Variants in FARP1 observed in about 807,000 individuals in gnomAD.
The protein encoded by FARP1 is FERM, ARH/RhoGEF and pleckstrin domain protein 1, also known as FERM, ARHGEF and pleckstrin domain-containing protein 1.
Under a neutral mutation model 128.8 loss-of-function variants are expected in FARP1, and 52 were observed. The ratio of observed to expected loss-of-function variants is 0.40; its 90% CI spans 0.32 to 0.51. The LOEUF (loss-of-function observed/expected upper bound fraction) is 0.51. Ranked by LOEUF, FARP1 falls within the 20% of genes least tolerant of loss-of-function variation. FARP1 has a pLI of 0.45. For missense variants in FARP1, 1,333 were observed against 1,367.9 expected (o/e 0.97, Z 0.40); for synonymous variants, 580 against 551.8 (o/e 1.05, Z -0.72).
At chr13:98,392,198 C>G (rs1447964581) in intron 11 of FARP1, among the ~76,000 whole-genome samples, 1 of 151,690 alleles carries the variant, frequency 6.6e-6, no homozygotes, top group Non-Finnish European at 1.5e-5. Flanking sequence ...TAGAATTGCT[C>G]TGGAGGCCGG....
Position 98,448,670 on chromosome 13 carries a change from T to TAA in FARP1, c.*359_*360dup. The TAA allele has an allele frequency of 5.2e-6, 1 of 191,226 alleles. No individual in the cohort carries two copies. The highest frequency in any genetic ancestry group is 1.1e-5 in the Non-Finnish European group (1 of 93,700). The allele number at this position is 191,226 out of a possible 1,614,324, so 11.8% of individuals were successfully genotyped here. On this transcript the variant is annotated 3_prime_UTR_variant, in exon 27 of 27. Coordinates refer to ENST00000319562, the MANE Select transcript of FARP1 (RefSeq NM_005766.4). The stretch of plus-strand genomic sequence containing the variant: ...AAGACAGGGCAAGTGTTTTTCTTCC[T>TAA]AAAAAAAGTTCTTTCTTTTATTATT...
Position 98,349,678 on chromosome 13 carries a change from A to AGG in FARP1, c.276+5812_276+5813insGG, listed in dbSNP as rs1405033229. On this transcript the variant is annotated intron_variant, in intron 3 of 26. Transcript: ENST00000319562. ...GAGCAAGACCCATCTCAGGGAAAAAAAAAAAAAAAAAAAAAAAAAAAAAAG... is the reference window on the plus strand; with the variant it reads ...GAGCAAGACCCATCTCAGGGAAAAAAGGAAAAAAAAAAAAAAAAAAAAAAAAG... Among the ~76,000 whole-genome samples the AGG allele has an allele frequency of 7.8e-3, 584 of 74,868 alleles. 10 individuals are homozygous for AGG. The highest frequency in any genetic ancestry group is 0.033 in the African/African-American group (558 of 17,140). The allele number at this position is 74,868 out of a possible 152,430, so 49.1% of individuals were successfully genotyped here.
rs113340557 is a variant in FARP1 at position 98,449,619 on chromosome 13, G to GAAAC, written c.*1308_*1311dup. On this transcript the variant is annotated 3_prime_UTR_variant, in exon 27 of 27. Coordinates refer to ENST00000319562, the MANE Select transcript of FARP1 (RefSeq NM_005766.4). ...TGTGGAGCTCTGACTGGTGTAGCTG[G>GAAAC]AAACAAACAGCAACTTGCAAACGGA... 14 of 152,716 alleles carry GAAAC rather than the reference G, an allele frequency of 9.2e-5. No homozygotes were observed. Among genetic ancestry groups the GAAAC allele is most frequent in the East Asian group, 5.8e-4 (3 of 5,188 alleles). The allele number at this position is 152,716 out of a possible 1,614,324, so 9.5% of individuals were successfully genotyped here.
chr13:98,398,026 G>A (rs1266803714), intron 13 of FARP1: 4 of 151,954 alleles, frequency 2.6e-5, no homozygotes, highest in Admixed American at 6.6e-5. Context: ...GGGCCTCACT[G>A]GGCTCATCAC....
At chr13:98,329,102 C>G (rs1344905536) in intron 2 of FARP1, 1 of 152,218 alleles carries the variant, frequency 6.6e-6, no homozygotes, top group African/African-American at 2.4e-5. Flanking sequence ...AAACGCTGCG[C>G]TGCCTATCAC....
intron 17 of FARP1, among the ~76,000 whole-genome samples, chr13:98,426,106 C>T (rs892918476): frequency 5.3e-5 from 8 of 152,208 alleles, no homozygotes; most frequent in African/African-American, 1.9e-4. Flanking sequence ...ATACACAAGA[C>T]ACTCATAGAA....
intron 13 of FARP1, chr13:98,406,314 G>T (rs1890969454): frequency 6.6e-6 from 1 of 152,188 alleles, no homozygotes; most frequent in African/African-American, 2.4e-5. Context: ...TGTTTATCTT[G>T]CAAAGAGAGA....
intron 3 of FARP1, among the ~76,000 whole-genome samples, chr13:98,362,396 C>T (rs1227808380): frequency 6.6e-6 from 1 of 152,200 alleles, no homozygotes; most frequent in African/African-American, 2.4e-5. Flanking sequence ...CAGACCCAAC[C>T]CTGGGTCAAG....
chr13:98,413,271 A>T (rs1438837021), intron 16 of FARP1, among the ~76,000 whole-genome samples: 1 of 152,252 alleles, frequency 6.6e-6, no homozygotes, highest in East Asian at 1.9e-4. Flanking sequence ...TAATAGGTAC[A>T]AAGTCAGCCT....
chr13:98,344,756 A>C (rs1399754810), intron 3 of FARP1, among the ~76,000 whole-genome samples: 5 of 152,194 alleles, frequency 3.3e-5, no homozygotes, highest in Admixed American at 3.3e-4. Context: ...CAGGTGGTGA[A>C]TGAACGGATC....
In FARP1 at chr13:98,446,722, T is replaced by C. The variant is rs150492286; in HGVS notation, c.2961T>C (p.Ser987=). ...PLLGYSLTIP[S]ESENIQKDYV... ...TCGGCTACTCGCTCACCATCCCCTCTGAGTCCGAGAACATCCAGAAAGACT... is the reference window on the plus strand; with the variant it reads ...TCGGCTACTCGCTCACCATCCCCTCCGAGTCCGAGAACATCCAGAAAGACT... Residue 987 remains serine, a synonymous_variant, in exon 26 of 27, where the codon TCT becomes TCC. Coordinates refer to ENST00000319562, the MANE Select transcript of FARP1 (RefSeq NM_005766.4). 2 of 1,614,160 alleles carry C rather than the reference T, an allele frequency of 1.2e-6. No homozygotes were observed. The highest frequency in any genetic ancestry group is 1.3e-5 in the African/African-American group (1 of 75,038).
intron 11 of FARP1, 73 bp from the exon 12 acceptor site, chr13:98,393,570 G>A: frequency 1.6e-6 from 2 of 1,234,336 alleles, no homozygotes. Context: ...AAGGACTTTT[G>A]TTTCATTTAA....
intron 6 of FARP1, chr13:98,384,442 C>A: frequency 2.5e-6 from 1 of 400,590 alleles, no homozygotes; most frequent in East Asian, 4.3e-5. Context: ...ATCCACCCGT[C>A]CTGGACTCCC....
rs199887537 is a variant in FARP1, at chr13:98,446,777, G to A, written c.3016G>A (p.Val1006Ile). 16 of 1,614,008 alleles carry A rather than the reference G, an allele frequency of 9.9e-6. No homozygotes were observed. Among genetic ancestry groups the A allele is most frequent in the Non-Finnish European group, 1.4e-5 (16 of 1,180,038 alleles). ...YVFKLHFKSHVYYFRAESEYT... is the reference protein window; with the variant it reads ...YVFKLHFKSHIYYFRAESEYT... ...GTTCAAGCTGCACTTCAAGTCCCACGTCTACTACTTCAGGGCGGAAAGCGA... is the reference window on the plus strand; with the variant it reads ...GTTCAAGCTGCACTTCAAGTCCCACATCTACTACTTCAGGGCGGAAAGCGA... Residue 1006 changes from valine to isoleucine, a missense_variant, in exon 26 of 27, where the codon GTC (valine) becomes ATC (isoleucine). Transcript: ENST00000319562.
intron 2 of FARP1, chr13:98,244,911 A>T: frequency 1.4e-6 from 2 of 1,396,428 alleles, no homozygotes; most frequent in Non-Finnish European, 1.9e-6. Context: ...GGTCTCCAGG[A>T]GGCTTGGTTT....
At chr13:98,395,034 G>T (rs1294731479) in intron 12 of FARP1, among the ~76,000 whole-genome samples, 193 bp from the exon 13 acceptor site, 2 of 152,148 alleles carry the variant, frequency 1.3e-5, no homozygotes, top group Admixed American at 6.5e-5. Flanking sequence ...CAGCCGCCAC[G>T]CCCTGAAGGA....
At chr13:98,403,628 G>A (rs183974298) in intron 13 of FARP1, 1 of 152,280 alleles carries the variant, frequency 6.6e-6, no homozygotes, top group Non-Finnish European at 1.5e-5. Flanking sequence ...TTTCATTTTG[G>A]TGGGCACCCA....
intron 2 of FARP1, among the ~76,000 whole-genome samples, chr13:98,330,715 A>G (rs1036605494): frequency 7.9e-5 from 12 of 151,934 alleles, no homozygotes; most frequent in Non-Finnish European, 5.9e-5. Context: ...AGATCACGCC[A>G]CTGCACTCCA....
At chr13:98,426,204 T>G (rs1435531884) in intron 17 of FARP1, among the ~76,000 whole-genome samples, 1 of 152,210 alleles carries the variant, frequency 6.6e-6, no homozygotes, top group African/African-American at 2.4e-5. Context: ...ATGATGTATC[T>G]CAGCCGGGTG....
Sources: allele counts gnomAD v4.1 joint callset (sites outside exome capture counted in the v4.1 genomes callset), GRCh38; gene constraint gnomAD v4.1.1; transcripts MANE v1.5; gene names NCBI Gene and HGNC (gene_info 2026-07-23, HGNC 2026-07-21).